The following POU6F2 variants were observed in gnomAD, a reference collection of about 807,000 sequenced individuals.
POU6F2 encodes POU domain, class 6, transcription factor 2.
In POU6F2, 31 loss-of-function variants were observed where a neutral mutation model predicts 71.3. The ratio of observed to expected loss-of-function variants is 0.43; its 90% CI spans 0.33 to 0.59. POU6F2 has a LOEUF of 0.59. Ranked by LOEUF, POU6F2 falls within the 20% of genes least tolerant of loss-of-function variation. POU6F2 has a pLI of 0.04. For missense variants in POU6F2, 783 were observed against 856.8 expected (o/e 0.91, Z 1.07); for synonymous variants, 347 against 355.7 (o/e 0.98, Z 0.27).
At chr7:39,424,291 C>T (rs1787918065) in intron 6 of POU6F2, among the ~76,000 whole-genome samples, 1 of 152,186 alleles carries the variant, frequency 6.6e-6, no homozygotes, top group Admixed American at 6.5e-5. Context: ...TTGACAATAG[C>T]TGGAGATAAC....
At chr7:39,401,495 C>A (rs1285052960) in intron 5 of POU6F2, among the ~76,000 whole-genome samples, 1 of 152,152 alleles carries the variant, frequency 6.6e-6, no homozygotes, top group African/African-American at 2.4e-5. Flanking sequence ...GTCACTCTTC[C>A]AGTATTTGTC....
rs1158620407 is a variant in POU6F2 at position 39,374,717 on chromosome 7, GA to G, written c.973-31882del. The stretch of plus-strand genomic sequence containing the variant: ...ACCAGGACTCTTGGATTGAGTGGAG[GA>G]GTGGGGAGGCATTTCTAATGGCATT... On this transcript the variant is annotated intron_variant, in intron 5 of 9. Coordinates refer to ENST00000518318, the MANE Select transcript of POU6F2 (RefSeq NM_001370959.1). 9.2e-5 allele frequency among the ~76,000 whole-genome samples: 14 copies of G among 152,328 alleles called. 1 individual carries two copies. In the South Asian group the frequency reaches 2.7e-3, roughly 29 times the overall value.
intron 4 of POU6F2, among the ~76,000 whole-genome samples, chr7:39,320,225 G>A (rs1444242585): frequency 2.6e-5 from 4 of 152,142 alleles, no homozygotes; most frequent in Non-Finnish European, 5.9e-5. Context: ...CAACCACCGT[G>A]GCCCACCTTC....
intron 4 of POU6F2, among the ~76,000 whole-genome samples, chr7:39,271,870 C>T (rs1784346513): frequency 6.6e-6 from 1 of 151,430 alleles, no homozygotes; most frequent in Admixed American, 6.6e-5. Context: ...GAAATGTTTC[C>T]AGCAAAATCA....
intron 4 of POU6F2, among the ~76,000 whole-genome samples, chr7:39,250,511 G>A (rs1313750273): frequency 3.9e-5 from 6 of 152,048 alleles, no homozygotes; most frequent in Admixed American, 3.9e-4. Flanking sequence ...AACCTACTTT[G>A]GCCCTGTTTG....
intron 1 of POU6F2, among the ~76,000 whole-genome samples, chr7:39,019,415 G>C (rs1789628532): frequency 6.6e-6 from 1 of 152,032 alleles, no homozygotes; most frequent in South Asian, 2.1e-4. Flanking sequence ...AATGTTCTTA[G>C]ATTTTTTTTC....
chr7:39,195,474 T>C (rs1793768371), intron 2 of POU6F2, among the ~76,000 whole-genome samples: 1 of 152,200 alleles, frequency 6.6e-6, no homozygotes, highest in Non-Finnish European at 1.5e-5. Context: ...CTGGAAGGCA[T>C]CTGGGGTCTT....
intron 8 of POU6F2, among the ~76,000 whole-genome samples, chr7:39,459,408 T>C (rs547407207): frequency 6.6e-6 from 1 of 152,298 alleles, no homozygotes; most frequent in African/African-American, 2.4e-5. Flanking sequence ...TATTTAAAAG[T>C]CCTTGAAAAT....
At chr7:39,445,906 T>C (rs1788511914) in intron 7 of POU6F2, among the ~76,000 whole-genome samples, 1 of 152,204 alleles carries the variant, frequency 6.6e-6, no homozygotes, top group Admixed American at 6.5e-5. Flanking sequence ...TTCCAAAATC[T>C]GTGTGGTCCT....
chr7:39,102,641 T>C (rs1428530170), intron 2 of POU6F2, among the ~76,000 whole-genome samples: 2 of 152,184 alleles, frequency 1.3e-5, no homozygotes, highest in Admixed American at 6.5e-5. Context: ...TATATATGTT[T>C]ATATATGTAT....
At chr7:39,026,551 G>A (rs1459201201) in intron 1 of POU6F2, among the ~76,000 whole-genome samples, 1 of 152,042 alleles carries the variant, frequency 6.6e-6, no homozygotes, top group Admixed American at 6.6e-5. Context: ...ATTGAACAAT[G>A]AGAACACATG....
In POU6F2 at chr7:39,460,753, C is replaced by G. The variant is rs885689; in HGVS notation, c.1658+38C>G. 1,372,893 of 1,507,776 alleles carry G rather than the reference C, an allele frequency of 0.91. 625,512 individuals carry two copies. The highest frequency in any genetic ancestry group is 0.99 in the East Asian group (41,582 of 41,832). 93.4% of individuals were successfully genotyped at this position (1,507,776 alleles called of 1,614,324 possible). A position where few individuals can be genotyped will look rare whatever the true frequency, so the allele number is the denominator to read the frequency against. On this transcript the variant is annotated intron_variant, in intron 9 of 9. Transcript: ENST00000518318. The surrounding 1 kb of genome is among the most constrained non-coding windows in gnomAD (Gnocchi z 4.4). ...TGCATGCTGTCACCTCTTCTAGCCG[C>G]CCTGGGCCTCATTTGTCCTCGCGGT...
At chr7:39,442,204 G>T (rs1459514921) in intron 7 of POU6F2, among the ~76,000 whole-genome samples, 5 of 152,118 alleles carry the variant, frequency 3.3e-5, no homozygotes, top group Non-Finnish European at 7.4e-5. Context: ...AGGAAGCTAG[G>T]CTGTGTTGGT....
In POU6F2 at chr7:39,300,068, G is replaced by A. The variant is rs1056309446; in HGVS notation, c.599-39574G>A. Among the ~76,000 whole-genome samples, 6 of 152,072 alleles carry A rather than the reference G, an allele frequency of 3.9e-5. 1 individual carries two copies. The highest frequency in any genetic ancestry group is 1.2e-4 in the African/African-American group (5 of 41,412). Reference sequence around the variant, plus strand: ...CCTCCCAAAGGCAGGCCAAGCCCACGAGGACCCACCATATACTGTATTTTC... The same window carrying A: ...CCTCCCAAAGGCAGGCCAAGCCCACAAGGACCCACCATATACTGTATTTTC... On this transcript the variant is annotated intron_variant, in intron 4 of 9. Coordinates refer to ENST00000518318, the MANE Select transcript of POU6F2 (RefSeq NM_001370959.1).
At chr7:39,218,747 A>G (rs1418737821) in intron 4 of POU6F2, among the ~76,000 whole-genome samples, 3 of 152,068 alleles carry the variant, frequency 2.0e-5, no homozygotes, top group African/African-American at 7.2e-5. Context: ...GTTTGATAAG[A>G]CTTGGTGATG....
At chr7:39,035,933 A>G (rs1205043139) in intron 1 of POU6F2, among the ~76,000 whole-genome samples, 1 of 152,096 alleles carries the variant, frequency 6.6e-6, no homozygotes, top group Non-Finnish European at 1.5e-5. Context: ...TTTTTTTTAA[A>G]CAAAGAGCTA....
intron 3 of POU6F2, among the ~76,000 whole-genome samples, chr7:39,206,901 C>T (rs1794024493): frequency 6.6e-6 from 1 of 152,126 alleles, no homozygotes; most frequent in Non-Finnish European, 1.5e-5. Context: ...GTACATGTCC[C>T]CCAGCCATAG....
intron 5 of POU6F2, among the ~76,000 whole-genome samples, chr7:39,341,082 A>C (rs1785908496): frequency 6.6e-6 from 1 of 152,214 alleles, no homozygotes; most frequent in African/African-American, 2.4e-5. Context: ...CCTGAGAATG[A>C]CAGTAGCGAT....
At chr7:39,001,677 ATG>A (rs1788912841) in intron 1 of POU6F2, among the ~76,000 whole-genome samples, 1 of 151,118 alleles carries the variant, frequency 6.6e-6, no homozygotes, top group African/African-American at 2.4e-5. Context: ...GGTGATGGTG[ATG>A]GTGATGGTGA....
Sources: allele counts gnomAD v4.1 joint callset (sites outside exome capture counted in the v4.1 genomes callset), GRCh38; gene constraint gnomAD v4.1.1; non-coding constraint Gnocchi (gnomAD v3.1); transcripts MANE v1.5; gene names NCBI Gene and HGNC (gene_info 2026-07-23, HGNC 2026-07-21).